The following ARRB1 variants were observed in gnomAD, a reference collection of about 807,000 sequenced individuals.
ARRB1 encodes beta-arrestin-1.
A neutral mutation model predicts 56.8 loss-of-function variants in ARRB1; 21 were observed. That is an observed-to-expected ratio of 0.37 (90% CI 0.26 to 0.53). The LOEUF is 0.53. ARRB1 is among the 20% of genes least tolerant of loss of function. The pLI, the probability that ARRB1 is intolerant of heterozygous loss-of-function variation, is 0.88. For missense variants in ARRB1, 424 were observed against 553.7 expected (o/e 0.77, Z 2.35); for synonymous variants, 210 against 218.6 (o/e 0.96, Z 0.35).
rs138714749 is a variant in ARRB1, at chr11:75,267,687, C to T, written c.1110G>A (p.Thr370=). 28 of 1,354,588 alleles carry T rather than the reference C, an allele frequency of 2.1e-5. No individual in the cohort carries two copies. The African/African-American group carries it at 3.6e-4, about 17-fold the overall frequency. The allele number at this position is 1,354,588 out of a possible 1,614,324, so 83.9% of individuals were successfully genotyped here. A position where few individuals can be genotyped will look rare whatever the true frequency, so the allele number is the denominator to read the frequency against. The change falls in exon 15 of 16, where the codon ACG becomes ACA. Residue 370 remains threonine, a synonymous_variant. Transcript: ENST00000420843. ...PPHREVPENE[T]PVDTNLIELD... ...GTTCTATGAGATTGGTATCTACTGGCGTCTCGTTCTCTGGAACTAAACACA... is the reference window on the plus strand; with the variant it reads ...GTTCTATGAGATTGGTATCTACTGGTGTCTCGTTCTCTGGAACTAAACACA...
chr11:75,277,527 C>G (rs771665825), intron 8 of ARRB1, 79 bp from the exon 9 acceptor site: 23 of 1,328,132 alleles, frequency 1.7e-5, no homozygotes, highest in Non-Finnish European at 2.5e-5. Flanking sequence ...AAAGCCCCCA[C>G]GCGATCTTCT....
At chr11:75,319,972 G>A (rs1352331206) in intron 1 of ARRB1, among the ~76,000 whole-genome samples, 1 of 152,158 alleles carries the variant, frequency 6.6e-6, no homozygotes, top group Non-Finnish European at 1.5e-5. Flanking sequence ...GTACCTCTGT[G>A]TCAAGAGGCC....
chr11:75,347,281 C>G (rs1947784896), intron 1 of ARRB1, among the ~76,000 whole-genome samples: 1 of 152,176 alleles, frequency 6.6e-6, no homozygotes, highest in Non-Finnish European at 1.5e-5. Context: ...CATGAGCAGC[C>G]CTGGCCAAAG....
intron 2 of ARRB1, among the ~76,000 whole-genome samples, chr11:75,287,842 G>A (rs756645360): frequency 6.6e-6 from 1 of 152,218 alleles, no homozygotes; most frequent in Non-Finnish European, 1.5e-5. Flanking sequence ...CCACTGATAC[G>A]AGGACTCGTT....
chr11:75,308,440 G>A (rs528335963), intron 1 of ARRB1, among the ~76,000 whole-genome samples: 1 of 152,178 alleles, frequency 6.6e-6, no homozygotes, highest in African/African-American at 2.4e-5. Context: ...AACAATCTGG[G>A]CATATTTTCT....
chr11:75,284,581 C>T (rs1430146003), intron 3 of ARRB1, among the ~76,000 whole-genome samples: 1 of 152,110 alleles, frequency 6.6e-6, no homozygotes, highest in Non-Finnish European at 1.5e-5. Flanking sequence ...ACCAGGTATT[C>T]TTTGGAATTT....
At chr11:75,282,130 G>T in intron 5 of ARRB1, 109 bp from the exon 6 acceptor site, 5 of 1,127,156 alleles carry the variant, frequency 4.4e-6, no homozygotes, top group Non-Finnish European at 6.6e-6. Context: ...GGCCCCAGGG[G>T]ACAGGCCATG....
At chr11:75,273,845 G>A (rs1190028916) in intron 11 of ARRB1, among the ~76,000 whole-genome samples, 1 of 152,196 alleles carries the variant, frequency 6.6e-6, no homozygotes, top group Non-Finnish European at 1.5e-5. Context: ...GCCCAGCACT[G>A]CCTGAGTGAG....
At position 75,281,296 on chromosome 11, in the gene ARRB1, G is replaced by A. The variant is rs12721496; in HGVS notation, c.415-154C>T. On this transcript the variant is annotated intron_variant, in intron 6 of 15. Transcript: ENST00000420843. The stretch of plus-strand genomic sequence containing the variant: ...CTTGGTCTGGAAGAAGCGGGGGAAC[G>A]CCCTTGTGCTCAGCCCCAATGCTGT... Among the ~76,000 whole-genome samples, 1,037 of 152,222 alleles carry A rather than the reference G, an allele frequency of 6.8e-3. 7 individuals carry two copies. Among genetic ancestry groups the A allele is most frequent in the African/African-American group, 0.024 (1,000 of 41,536 alleles).
At chr11:75,281,905 G>A in intron 6 of ARRB1, 57 bp downstream of exon 6, 7 of 1,562,914 alleles carry the variant, frequency 4.5e-6, no homozygotes, top group Non-Finnish European at 6.2e-6. Context: ...GAAAGCCAGG[G>A]ACCTGGGGAC....
chr11:75,321,349 G>T (rs1033423172), intron 1 of ARRB1, among the ~76,000 whole-genome samples: 3 of 151,060 alleles, frequency 2.0e-5, no homozygotes, highest in African/African-American at 7.3e-5. Context: ...CTGTGGTCAG[G>T]AAAGTAGGCA....
At chr11:75,289,698 C>T (rs560463915) in intron 2 of ARRB1, among the ~76,000 whole-genome samples, 2 of 152,300 alleles carry the variant, frequency 1.3e-5, no homozygotes, top group Admixed American at 6.5e-5. Context: ...CGGCCCTCGG[C>T]GCTTACTGGT....
chr11:75,335,854 C>T (rs1473799669), intron 1 of ARRB1, among the ~76,000 whole-genome samples: 1 of 152,248 alleles, frequency 6.6e-6, no homozygotes, highest in Non-Finnish European at 1.5e-5. Flanking sequence ...GTTTGGCCCA[C>T]ACGACAGTCC....
At chr11:75,321,626 C>T (rs1039475326) in intron 1 of ARRB1, among the ~76,000 whole-genome samples, 5 of 152,156 alleles carry the variant, frequency 3.3e-5, no homozygotes, top group South Asian at 2.1e-4. Context: ...TGGTTGGAAC[C>T]GGCTAGAGGG....
At chr11:75,273,531 G>C (rs545532287) in intron 11 of ARRB1, among the ~76,000 whole-genome samples, 9 of 152,280 alleles carry the variant, frequency 5.9e-5, no homozygotes, top group Non-Finnish European at 1.2e-4. Context: ...AGTGGCGGCT[G>C]CTCTAGACGT....
intron 7 of ARRB1, among the ~76,000 whole-genome samples, chr11:75,279,442 G>A (rs988519623): frequency 1.3e-5 from 2 of 152,072 alleles, no homozygotes; most frequent in Non-Finnish European, 2.9e-5. Flanking sequence ...GGTGAGGGAG[G>A]GGGACTTGGT....
intron 1 of ARRB1, among the ~76,000 whole-genome samples, chr11:75,342,572 C>T (rs1018405121): frequency 1.3e-5 from 2 of 152,092 alleles, no homozygotes; most frequent in South Asian, 2.1e-4. Flanking sequence ...CTCCTCAGGC[C>T]GGGTCAAACC....
chr11:75,338,847 T>A (rs1258839546), intron 1 of ARRB1, among the ~76,000 whole-genome samples: 1 of 152,218 alleles, frequency 6.6e-6, no homozygotes, highest in Non-Finnish European at 1.5e-5. Context: ...TGTAGGTTTC[T>A]CCCAGTACCC....
intron 1 of ARRB1, among the ~76,000 whole-genome samples, chr11:75,326,918 G>T (rs1032686896): frequency 6.6e-6 from 1 of 151,692 alleles, no homozygotes; most frequent in Non-Finnish European, 1.5e-5. Flanking sequence ...TGTTGCCCAG[G>T]CTCATCTCAA....
Sources: allele counts gnomAD v4.1 joint callset (sites outside exome capture counted in the v4.1 genomes callset), GRCh38; gene constraint gnomAD v4.1.1; transcripts MANE v1.5; gene names NCBI Gene and HGNC (gene_info 2026-07-23, HGNC 2026-07-21).